Variants in MAP4K1 observed in about 807,000 individuals in gnomAD.
MAP4K1 encodes MAPK/ERK kinase kinase kinase 1.
A neutral mutation model predicts 122.8 loss-of-function variants in MAP4K1; 35 were observed. That is an observed-to-expected ratio of 0.29 (90% CI 0.22 to 0.38). The LOEUF (loss-of-function observed/expected upper bound fraction) is 0.38. MAP4K1 is among the 10% of genes least tolerant of loss of function. The pLI is 1.00. For synonymous variants in MAP4K1, 412 were observed against 421.3 expected, an observed-to-expected ratio of 0.98 and a Z score of 0.27; for missense variants, 791 against 1,072.6, an observed-to-expected ratio of 0.74 and a Z score of 3.67.
chr19:38,601,409 A>G, intron 20 of MAP4K1, 32 bp downstream of exon 20: 1 of 1,574,276 alleles, frequency 6.4e-7, no homozygotes, highest in Non-Finnish European at 8.7e-7. Flanking sequence ...CCCATTCCCT[A>G]CAGGATCTCC....
chr19:38,604,883 T>C (rs1329197564), intron 19 of MAP4K1, among the ~76,000 whole-genome samples: 1 of 151,404 alleles, frequency 6.6e-6, no homozygotes, highest in Non-Finnish European at 1.5e-5. Flanking sequence ...GGTCAGGAGT[T>C]CAAGACGAGC....
intron 20 of MAP4K1, 35 bp downstream of exon 20, chr19:38,601,406 C>T: frequency 6.4e-7 from 1 of 1,567,790 alleles, no homozygotes. Context: ...TCTCCCATTC[C>T]CTACAGGATC....
chr19:38,603,677 A>T (rs1286676602), intron 19 of MAP4K1, among the ~76,000 whole-genome samples: 2 of 151,906 alleles, frequency 1.3e-5, no homozygotes, highest in Admixed American at 1.3e-4. Flanking sequence ...TCTATAAAAC[A>T]TTTTTTTAAA....
intron 8 of MAP4K1, among the ~76,000 whole-genome samples, 158 bp from the exon 9 acceptor site, chr19:38,612,900 C>G (rs1185623872): frequency 6.6e-6 from 1 of 152,080 alleles, no homozygotes; most frequent in African/African-American, 2.4e-5. Context: ...CAGATGAAGA[C>G]AGAGATGCAG....
intron 19 of MAP4K1, 116 bp from the exon 20 acceptor site, chr19:38,601,641 C>T (rs1975069012): frequency 1.4e-6 from 1 of 703,658 alleles, no homozygotes. Context: ...CTGCCTCTTA[C>T]CTTGGTGCAA....
At chr19:38,608,799 C>CAAAAAAAAAAAAAAAAAA (rs1031744033) in intron 13 of MAP4K1, among the ~76,000 whole-genome samples, 2 of 9,558 alleles carry the variant, frequency 2.1e-4, no homozygotes, top group African/African-American at 3.6e-4. Context: ...AACTCCGTCT[C>CAAAAAAAAAAAAAAAAAA]AAAAAAAAAA....
intron 9 of MAP4K1, among the ~76,000 whole-genome samples, chr19:38,612,117 A>AAATG: frequency 6.6e-6 from 1 of 151,184 alleles, no homozygotes; most frequent in Non-Finnish European, 1.5e-5. Flanking sequence ...ATAAATAAAT[A>AAATG]AAAATAAAAA....
At position 38,596,362 on chromosome 19, in the gene MAP4K1, T is replaced by G. The variant is rs1301191667; in HGVS notation, c.2066A>C (p.His689Pro). ...AGAGAGCGCGCCAAAGCGCACCGTGTGGAAGAGCACCGACTTCCCCGGCCG... is the reference window on the plus strand; with the variant it reads ...AGAGAGCGCGCCAAAGCGCACCGTGGGGAAGAGCACCGACTTCCCCGGCCG... ...PGRPGKSVLF[H>P]TVRFGALSCW... Residue 689 changes from histidine (H) to proline (P), a missense_variant, in exon 26 of 31, where the codon CAC (histidine) becomes CCC (proline). By Grantham distance (77) the His-to-Pro change is moderately conservative (BLOSUM62 -2). Coordinates refer to ENST00000396857, the MANE Select transcript of MAP4K1 (RefSeq NM_001042600.3). 1 of 1,602,688 alleles carries G rather than the reference T, an allele frequency of 6.2e-7. No homozygotes were observed. Among genetic ancestry groups the G allele is most frequent in the Non-Finnish European group, 8.5e-7 (1 of 1,176,836 alleles).
At chr19:38,601,798 G>A in intron 19 of MAP4K1, 1 of 413,822 alleles carries the variant, frequency 2.4e-6, no homozygotes, top group East Asian at 5.6e-5. Context: ...TTTTTTTTAA[G>A]ACAGAGTCTC....
chr19:38,589,410 A>G (rs1599683121), intron 30 of MAP4K1: 1 of 161,178 alleles, frequency 6.2e-6, no homozygotes, highest in East Asian at 1.9e-4. Flanking sequence ...AATCTCCCCA[A>G]AAGATACTTC....
chr19:38,601,646 G>A (rs912862393), intron 19 of MAP4K1, 121 bp from the exon 20 acceptor site: 1 of 685,042 alleles, frequency 1.5e-6, no homozygotes, highest in Non-Finnish European at 2.5e-6. Context: ...TCTTACCTTG[G>A]TGCAATTTCC....
At chr19:38,610,372 ATTTTTTTTTTTTTTTT>A (rs35103992) in intron 11 of MAP4K1, among the ~76,000 whole-genome samples, 4 of 76,180 alleles carry the variant, frequency 5.3e-5, no homozygotes, top group Admixed American at 1.7e-4. Context: ...CGCCCAGCTA[ATTTTTTTTTTTTTTTT>A]TTTTTTTTTT....
At chr19:38,593,126 G>A (rs1340992711) in intron 30 of MAP4K1, 156 bp downstream of exon 30, 8 of 568,484 alleles carry the variant, frequency 1.4e-5, no homozygotes, top group Admixed American at 1.1e-4. Context: ...CGTGGCTGCA[G>A]TGCAGAGAAC....
At chr19:38,611,331 G>C in intron 9 of MAP4K1, 26 bp from the exon 10 acceptor site, 13 of 1,556,372 alleles carry the variant, frequency 8.4e-6, no homozygotes, top group Non-Finnish European at 1.2e-5. Context: ...AAGGACATGG[G>C]GTTCAGACCC....
At chr19:38,604,914 C>G (rs964819044) in intron 19 of MAP4K1, among the ~76,000 whole-genome samples, 78 of 151,824 alleles carry the variant, frequency 5.1e-4, no homozygotes, top group African/African-American at 1.8e-3. Context: ...TGGTGAAACC[C>G]CACCTCTACT....
At chr19:38,598,052 A>C (rs1303449413) in intron 22 of MAP4K1, among the ~76,000 whole-genome samples, 2 of 152,050 alleles carry the variant, frequency 1.3e-5, no homozygotes, top group Middle Eastern at 3.2e-3. Flanking sequence ...TTATTATTTT[A>C]GACAGTCTCG....
chr19:38,597,294 A>G lies in MAP4K1; in HGVS notation c.1837+32T>C. 1 of 1,612,826 alleles carries G rather than the reference A, an allele frequency of 6.2e-7. No individual in the cohort carries two copies. The highest frequency in any genetic ancestry group is 2.2e-5 in the East Asian group (1 of 44,836). On this transcript the variant is annotated intron_variant, in intron 24 of 30. Transcript: ENST00000396857. This position sits in a 1 kb window ranked among gnomAD's most constrained non-coding sequence, Gnocchi z 4.6. ...CCCCTCCTCTGGCCTGGCCCCGCCCACTCTCTGCACACCCGTGAAGCTCTC... is the reference window on the plus strand; with the variant it reads ...CCCCTCCTCTGGCCTGGCCCCGCCCGCTCTCTGCACACCCGTGAAGCTCTC...
In MAP4K1 at chr19:38,596,467, G is replaced by T; in HGVS notation, c.1961C>A (p.Pro654Gln). The T allele has an allele frequency of 6.4e-7, 1 of 1,571,800 alleles. No individual in the cohort carries two copies. Among genetic ancestry groups the T allele is most frequent in the Admixed American group, 1.8e-5 (1 of 55,728 alleles). ...CAGCGCGAACACGGACAGAGGCGTC[G>T]GCAGTGGGAACAGCACCTGCTGCGG... ...LLVRQVLFPL[P>Q]TPLSVFALLT... Residue 654 changes from proline (P) to glutamine (Q), a missense_variant, in exon 26 of 31, where the codon CCG becomes CAG. Transcript: ENST00000396857.
chr19:38,605,582 A>C lies in MAP4K1; in HGVS notation c.1349T>G (p.Leu450Arg). 2 of 1,521,440 alleles carry C rather than the reference A, an allele frequency of 1.3e-6. No individual in the cohort carries two copies. The highest frequency in any genetic ancestry group is 1.8e-6 in the Non-Finnish European group (2 of 1,133,326). The allele number at this position is 1,521,440 out of a possible 1,614,324, so 94.2% of individuals were successfully genotyped here. The change falls in exon 18 of 31, where the codon CTC becomes CGC. Residue 450 changes from leucine (L) to arginine (R), a missense_variant. Around this residue, in one of 4 missense-constraint regions of MAP4K1, gnomAD observed 303 missense variants for 344.8 expected, o/e 0.88. Transcript: ENST00000396857. ...TGTCCCATTACCTGAATGGGCGGTG[A>C]GGTGGGGGCTGCTGGTGGATGGGGG... ...GPPPSTSSPH[L>R]TAHSEPSLWN...
Sources: gnomAD v4.1 joint callset for allele counts (sites outside exome capture counted in the v4.1 genomes callset) on GRCh38, gnomAD v4.1.1 for gene constraint, gnomAD v4.1.1 regional missense constraint, Gnocchi (gnomAD v3.1) non-coding constraint, MANE v1.5 for transcripts, NCBI Gene and HGNC (gene_info 2026-07-23, HGNC 2026-07-21) for gene names.